The following SH3GL2 variants were observed in gnomAD, a reference collection of about 807,000 sequenced individuals.
SH3GL2 encodes SH3 domain containing GRB2 like 2, endophilin A1.
Under a neutral mutation model 46.0 loss-of-function variants are expected in SH3GL2, and 24 were observed. The observed-to-expected ratio is 0.52, with a 90% CI of 0.38 to 0.73. The LOEUF is 0.73. SH3GL2 is among the 30% of genes least tolerant of loss of function. SH3GL2 has a pLI of 0.00. For missense variants in SH3GL2, 413 were observed against 424.2 expected (o/e 0.97, Z 0.23); for synonymous variants, 196 against 147.1 (o/e 1.33, Z -2.40).
chr9:17,787,327 C>A lies in SH3GL2; in HGVS notation c.332-53C>A, dbSNP rs1044924151. 6.5e-5 allele frequency: 98 copies of A among 1,508,872 alleles called. No individual in the cohort carries two copies. In the Admixed American group the frequency reaches 1.6e-3, roughly 25 times the overall value. The allele number at this position is 1,508,872 out of a possible 1,614,324, so 93.5% of individuals were successfully genotyped here. ...TCATCTGTGAAGGGCCCTGTTATTGCGAGTGCATTTCATCTTTATTCTGTA... is the reference window on the plus strand; with the variant it reads ...TCATCTGTGAAGGGCCCTGTTATTGAGAGTGCATTTCATCTTTATTCTGTA... On this transcript the variant is annotated intron_variant, in intron 4 of 8. Transcript: ENST00000380607.
chr9:17,629,016 A>G (rs1462510191), intron 1 of SH3GL2, among the ~76,000 whole-genome samples: 2 of 152,096 alleles, frequency 1.3e-5, no homozygotes, highest in Non-Finnish European at 2.9e-5. Flanking sequence ...TGTCTGTCAA[A>G]CAGAAGGAAA....
At chr9:17,652,626 A>G (rs187269805) in intron 1 of SH3GL2, among the ~76,000 whole-genome samples, 21 of 152,282 alleles carry the variant, frequency 1.4e-4, no homozygotes, top group African/African-American at 4.8e-4. Context: ...AGTATCCCTA[A>G]TCCAAAAATG....
chr9:17,717,094 G>T (rs898979824), intron 1 of SH3GL2, among the ~76,000 whole-genome samples: 2 of 152,004 alleles, frequency 1.3e-5, no homozygotes, highest in East Asian at 3.9e-4. Flanking sequence ...GGTCCAGTGG[G>T]AACAGCAATA....
chr9:17,702,348 G>C (rs1404099995), intron 1 of SH3GL2, among the ~76,000 whole-genome samples: 2 of 151,950 alleles, frequency 1.3e-5, no homozygotes, highest in African/African-American at 4.8e-5. Flanking sequence ...GTTTTGATCT[G>C]ATGGAAGCTT....
At chr9:17,612,406 G>A (rs372566698) in intron 1 of SH3GL2, among the ~76,000 whole-genome samples, 29 of 152,276 alleles carry the variant, frequency 1.9e-4, no homozygotes, top group African/African-American at 7.0e-4. Context: ...TGCTTGAACT[G>A]CTGAATCTCA....
At position 17,712,789 on chromosome 9, in the gene SH3GL2, A is replaced by G. The variant is rs573718403; in HGVS notation, c.46-34277A>G. On this transcript the variant is annotated intron_variant, in intron 1 of 8. Coordinates refer to ENST00000380607, the MANE Select transcript of SH3GL2 (RefSeq NM_003026.5). The stretch of plus-strand genomic sequence containing the variant: ...CACAGTGTTTTCAAATGGATTTAGA[A>G]TCAGTTAATCAATCTGTTGGTCTAT... 2.0e-5 allele frequency among the ~76,000 whole-genome samples: 3 copies of G among 151,898 alleles called. No individual in the cohort carries two copies. The South Asian group carries it at 6.2e-4, about 31-fold the overall frequency.
At chr9:17,713,557 G>T (rs1391595146) in intron 1 of SH3GL2, among the ~76,000 whole-genome samples, 1 of 151,282 alleles carries the variant, frequency 6.6e-6, no homozygotes, top group Non-Finnish European at 1.5e-5. Context: ...GAGTACTGTG[G>T]TAGTGTCATT....
At chr9:17,705,692 T>C (rs1821453100) in intron 1 of SH3GL2, among the ~76,000 whole-genome samples, 1 of 151,958 alleles carries the variant, frequency 6.6e-6, no homozygotes. Flanking sequence ...CTGAGTGAAC[T>C]AACACAGGAA....
chr9:17,650,063 G>C (rs1819918857), intron 1 of SH3GL2, among the ~76,000 whole-genome samples: 2 of 152,192 alleles, frequency 1.3e-5, no homozygotes, highest in South Asian at 4.1e-4. Flanking sequence ...ATCTTCCCTG[G>C]AGAGAGTAGA....
intron 1 of SH3GL2, among the ~76,000 whole-genome samples, chr9:17,673,361 C>A (rs952192854): frequency 6.7e-6 from 1 of 150,264 alleles, no homozygotes; most frequent in Non-Finnish European, 1.5e-5. Context: ...ATCATGTTGC[C>A]GAGGCTGGTC....
At chr9:17,671,520 T>C (rs1016005712) in intron 1 of SH3GL2, among the ~76,000 whole-genome samples, 3 of 152,174 alleles carry the variant, frequency 2.0e-5, no homozygotes, top group Non-Finnish European at 4.4e-5. Context: ...GGATAAATGC[T>C]TGAGTGGATG....
At chr9:17,754,165 C>G (rs760939271) in intron 2 of SH3GL2, among the ~76,000 whole-genome samples, 3 of 152,116 alleles carry the variant, frequency 2.0e-5, no homozygotes, top group Non-Finnish European at 2.9e-5. Flanking sequence ...TATTCAGGCT[C>G]TTTTCTGTTT....
chr9:17,738,364 T>C (rs576272301), intron 1 of SH3GL2, among the ~76,000 whole-genome samples: 1 of 151,824 alleles, frequency 6.6e-6, no homozygotes, highest in African/African-American at 2.4e-5. Flanking sequence ...TTTCCTAATA[T>C]ATGGTCTGCC....
In SH3GL2 at chr9:17,579,126, G is replaced by A. The variant is rs1392653494; in HGVS notation, c.-117G>A. 26 of 612,862 alleles carry A rather than the reference G, an allele frequency of 4.2e-5. No homozygotes were observed. In the South Asian group the frequency reaches 6.7e-4, roughly 16 times the overall value. The allele number at this position is 612,862 out of a possible 1,614,324, so 38.0% of individuals were successfully genotyped here. ...TAGGCTCCGCGCCCTCGCGCCCATA[G>A]CCCCGGCGGCGGCACGACCAGAGGC... On this transcript the variant is annotated 5_prime_UTR_variant, in exon 1 of 9. Transcript: ENST00000380607.
chr9:17,586,649 G>A (rs1818382583), intron 1 of SH3GL2, among the ~76,000 whole-genome samples: 1 of 152,080 alleles, frequency 6.6e-6, no homozygotes, highest in South Asian at 2.1e-4. Flanking sequence ...TTCACATGAC[G>A]GCAGCAAGGA....
At chr9:17,794,186 C>G (rs1439244978) in intron 8 of SH3GL2, among the ~76,000 whole-genome samples, 1 of 152,164 alleles carries the variant, frequency 6.6e-6, no homozygotes, top group Non-Finnish European at 1.5e-5. Flanking sequence ...GCTCTCCACT[C>G]CTACACGCAG....
At chr9:17,593,879 A>G (rs1283792376) in intron 1 of SH3GL2, among the ~76,000 whole-genome samples, 1 of 152,122 alleles carries the variant, frequency 6.6e-6, no homozygotes, top group Non-Finnish European at 1.5e-5. Flanking sequence ...TAGTTTTCCC[A>G]TTCTGAGCAC....
chr9:17,680,114 G>T (rs1466867418), intron 1 of SH3GL2, among the ~76,000 whole-genome samples: 1 of 152,264 alleles, frequency 6.6e-6, no homozygotes, highest in African/African-American at 2.4e-5. Flanking sequence ...TCTCTGCCCG[G>T]CTTTGGTATC....
At position 17,704,800 on chromosome 9, in the gene SH3GL2, C is replaced by T. The variant is rs190211138; in HGVS notation, c.46-42266C>T. On this transcript the variant is annotated intron_variant, in intron 1 of 8. Coordinates refer to ENST00000380607, the MANE Select transcript of SH3GL2 (RefSeq NM_003026.5). ...AAATTAACACCAGATGGATTAAAGA[C>T]TTAAATGTAAAACCTAAAACTGTAA... Among the ~76,000 whole-genome samples, 426 of 152,172 alleles carry T rather than the reference C, an allele frequency of 2.8e-3. 4 individuals are homozygous for T. Among genetic ancestry groups the T allele is most frequent in the African/African-American group, 7.9e-3 (328 of 41,546 alleles).
Sources: allele counts gnomAD v4.1 joint callset (sites outside exome capture counted in the v4.1 genomes callset), GRCh38; gene constraint gnomAD v4.1.1; transcripts MANE v1.5; gene names NCBI Gene and HGNC (gene_info 2026-07-23, HGNC 2026-07-21).